WWOX: variants seen among roughly 807,000 people sequenced by gnomAD.
The protein encoded by WWOX is WW domain-containing oxidoreductase.
A neutral mutation model predicts 46.2 loss-of-function variants in WWOX; 69 were observed. The ratio of observed to expected loss-of-function variants is 1.49; its 90% CI spans 1.23 to 1.82. WWOX has a LOEUF of 1.82. Ranked by LOEUF, WWOX falls within the 40% of genes most tolerant of loss-of-function variation. The pLI is 0.00. For missense variants in WWOX, 919 were observed against 542.6 expected (o/e 1.69, Z -6.89); for synonymous variants, 359 against 202.6 (o/e 1.77, Z -6.56).
chr16:78,171,955 A>T (rs1345155439), intron 5 of WWOX, among the ~76,000 whole-genome samples: 1 of 152,194 alleles, frequency 6.6e-6, no homozygotes, highest in Admixed American at 6.5e-5. Context: ...TACTGTGCTT[A>T]GCATTTAACA....
At chr16:79,140,390 G>A (rs185289935) in intron 8 of WWOX, among the ~76,000 whole-genome samples, 1 of 152,150 alleles carries the variant, frequency 6.6e-6, no homozygotes, top group African/African-American at 2.4e-5. Context: ...GCATCCGCCA[G>A]CTCTTATAAT....
chr16:78,904,357 G>A (rs78561937), intron 8 of WWOX, among the ~76,000 whole-genome samples: 43,417 of 150,334 alleles, frequency 0.29, 7,136 homozygotes, highest in Non-Finnish European at 0.38. Flanking sequence ...TCCTGCCTCA[G>A]CGTCCTGAGT....
At chr16:78,195,160 G>T (rs1356409718) in intron 5 of WWOX, among the ~76,000 whole-genome samples, 1 of 152,136 alleles carries the variant, frequency 6.6e-6, no homozygotes, top group Non-Finnish European at 1.5e-5. Flanking sequence ...ACCCTGGAGA[G>T]CCCAGCCCTT....
At chr16:78,755,587 C>T (rs1013299517) in intron 8 of WWOX, among the ~76,000 whole-genome samples, 1 of 152,188 alleles carries the variant, frequency 6.6e-6, no homozygotes. Flanking sequence ...CCCGAAGCCT[C>T]TCAGTGCCAC....
chr16:79,073,080 T>C (rs1307164400), intron 8 of WWOX, among the ~76,000 whole-genome samples: 1 of 151,996 alleles, frequency 6.6e-6, no homozygotes, highest in Non-Finnish European at 1.5e-5. Context: ...TTCATTTCCT[T>C]TATCTAGAAA....
intron 8 of WWOX, among the ~76,000 whole-genome samples, chr16:79,048,404 C>T (rs935394648): frequency 1.3e-5 from 2 of 152,086 alleles, no homozygotes; most frequent in Non-Finnish European, 2.9e-5. Context: ...CTTGGTTCAG[C>T]AGCAACTGAT....
intron 8 of WWOX, among the ~76,000 whole-genome samples, chr16:79,048,146 C>G (rs1263861530): frequency 1.3e-5 from 2 of 152,130 alleles, no homozygotes; most frequent in Admixed American, 6.5e-5. Context: ...TTTCATGGAG[C>G]ATGGAGAAGC....
At chr16:78,690,347 T>A (rs1239905285) in intron 8 of WWOX, among the ~76,000 whole-genome samples, 1 of 152,020 alleles carries the variant, frequency 6.6e-6, no homozygotes, top group East Asian at 1.9e-4. Flanking sequence ...GCTGAATTGT[T>A]CAAGACTGCC....
At chr16:78,577,153 T>C (rs2044902986) in intron 8 of WWOX, among the ~76,000 whole-genome samples, 1 of 152,198 alleles carries the variant, frequency 6.6e-6, no homozygotes, top group Non-Finnish European at 1.5e-5. Flanking sequence ...GGCTGAAACT[T>C]AACACATCCC....
chr16:78,747,979 C>G (rs948079489), intron 8 of WWOX, among the ~76,000 whole-genome samples: 1 of 152,182 alleles, frequency 6.6e-6, no homozygotes, highest in African/African-American at 2.4e-5. Flanking sequence ...GGTCCTCTTG[C>G]GTAGCAGCCT....
chr16:78,205,310 A>T (rs1195340542), intron 5 of WWOX, among the ~76,000 whole-genome samples: 1 of 152,182 alleles, frequency 6.6e-6, no homozygotes, highest in Non-Finnish European at 1.5e-5. Context: ...GCCACCAAAC[A>T]ATAAGTTAGG....
Position 78,109,943 on chromosome 16 carries a change from G to A in WWOX, c.230+108G>A, listed in dbSNP as rs544169745. 48 of 1,182,334 alleles carry A rather than the reference G, an allele frequency of 4.1e-5. No individual in the cohort carries two copies. In the East Asian group the frequency reaches 1.1e-3, roughly 28 times the overall value. The allele number at this position is 1,182,334 out of a possible 1,614,324, so 73.2% of individuals were successfully genotyped here. ...GTAGAAAAATACAAAGTATAACAGT[G>A]TGTATCTGTAATCTTAGCAGAAGTG... On this transcript the variant is annotated intron_variant, in intron 3 of 8. Transcript: ENST00000566780.
rs577558922 is a variant in WWOX, at chr16:78,875,362, C to A, written c.1057-336246C>A. 2.6e-5 allele frequency among the ~76,000 whole-genome samples: 4 copies of A among 152,198 alleles called. 1 individual carries two copies. The East Asian group carries it at 7.7e-4, about 29-fold the overall frequency. On this transcript the variant is annotated intron_variant, in intron 8 of 8. Transcript: ENST00000566780. Reference sequence around the variant, plus strand: ...AGCCTTCTCTAGCTTTATGATGCTCCCAGTATATAAGACATTTCCAGTGTC... The same window carrying A: ...AGCCTTCTCTAGCTTTATGATGCTCACAGTATATAAGACATTTCCAGTGTC...
intron 5 of WWOX, among the ~76,000 whole-genome samples, chr16:78,175,679 TC>T (rs1490025656): frequency 6.6e-6 from 1 of 152,176 alleles, no homozygotes; most frequent in African/African-American, 2.4e-5. Flanking sequence ...CTGATTCATG[TC>T]ATGAGAGATC....
intron 5 of WWOX, among the ~76,000 whole-genome samples, chr16:78,280,688 A>G (rs577973642): frequency 4.0e-5 from 6 of 151,658 alleles, no homozygotes; most frequent in Non-Finnish European, 8.8e-5. Context: ...CCCACTTTTA[A>G]CCCTTTTCCT....
intron 8 of WWOX, among the ~76,000 whole-genome samples, chr16:79,076,567 C>A (rs750391543): frequency 1.3e-5 from 2 of 152,326 alleles, no homozygotes; most frequent in South Asian, 4.1e-4. Context: ...GAGCTCTGGC[C>A]TCTGGACCTC....
chr16:78,139,683 T>A (rs2033919672), intron 4 of WWOX, among the ~76,000 whole-genome samples: 1 of 152,146 alleles, frequency 6.6e-6, no homozygotes, highest in South Asian at 2.1e-4. Flanking sequence ...GTAAGTTTTC[T>A]GTATTGAAAA....
At chr16:78,636,045 G>C (rs1424878325) in intron 8 of WWOX, among the ~76,000 whole-genome samples, 1 of 152,164 alleles carries the variant, frequency 6.6e-6, no homozygotes, top group East Asian at 1.9e-4. Context: ...GCTCGCTGCG[G>C]AACACTGCCT....
chr16:78,182,773 A>T (rs554154944), intron 5 of WWOX, among the ~76,000 whole-genome samples: 1 of 152,050 alleles, frequency 6.6e-6, no homozygotes, highest in African/African-American at 2.4e-5. Context: ...TAACAAAGTG[A>T]AAGCCCGTCT....
Sources: allele counts gnomAD v4.1 joint callset (sites outside exome capture counted in the v4.1 genomes callset), GRCh38; gene constraint gnomAD v4.1.1; transcripts MANE v1.5; gene names NCBI Gene and HGNC (gene_info 2026-07-23, HGNC 2026-07-21).